The following TCF4 variants were observed in gnomAD, a reference collection of about 807,000 sequenced individuals.
TCF4 encodes the protein SL3-3 enhancer factor 2.
Under a neutral mutation model 82.1 loss-of-function variants are expected in TCF4, and 3 were observed. The ratio of observed to expected loss-of-function variants is 0.04; its 90% confidence interval spans 0.02 to 0.09. The LOEUF (loss-of-function observed/expected upper bound fraction) is 0.09, where lower values mean the gene tolerates loss of function less well. TCF4 is among the 10% of genes least tolerant of loss of function. The pLI, the probability that TCF4 is intolerant of heterozygous loss-of-function variation, is 1.00. For missense variants in TCF4, 518 were observed against 852.7 expected (o/e 0.61, Z 4.89); for synonymous variants, 276 against 309.6 (o/e 0.89, Z 1.14).
upstream of TCF4, among the ~76,000 whole-genome samples, chr18:55,590,281 G>C (rs2097682655): frequency 6.6e-6 from 1 of 152,206 alleles, no homozygotes; most frequent in Non-Finnish European, 1.5e-5. Context: ...GGGCGGCATG[G>C]GAAAAGGCCT....
At chr18:55,290,671 T>C (rs891441579) in intron 8 of TCF4, among the ~76,000 whole-genome samples, 1 of 152,148 alleles carries the variant, frequency 6.6e-6, no homozygotes, top group Non-Finnish European at 1.5e-5. Context: ...GTGCTGTGTT[T>C]GTACCTAATA....
intron 3 of TCF4, among the ~76,000 whole-genome samples, chr18:55,525,307 C>G (rs2096970921): frequency 6.7e-6 from 1 of 149,392 alleles, no homozygotes; most frequent in Admixed American, 6.7e-5. Context: ...ATTTTTTTTT[C>G]CTGAAGGTTA....
intron 3 of TCF4, among the ~76,000 whole-genome samples, chr18:55,490,069 T>C (rs948846358): frequency 1.3e-5 from 2 of 152,158 alleles, no homozygotes; most frequent in Non-Finnish European, 2.9e-5. Context: ...TAAAATTTAA[T>C]CCCCACATTT....
chr18:55,520,663 G>A (rs986389956), intron 3 of TCF4, among the ~76,000 whole-genome samples: 3 of 152,038 alleles, frequency 2.0e-5, no homozygotes, highest in Non-Finnish European at 2.9e-5. Context: ...CTTTTGAACC[G>A]GAACACACGG....
intron 6 of TCF4, among the ~76,000 whole-genome samples, chr18:55,388,048 G>C (rs1183930853): frequency 1.3e-5 from 2 of 152,110 alleles, no homozygotes; most frequent in Non-Finnish European, 2.9e-5. Flanking sequence ...ATGATGTCTA[G>C]GTCCTTTCTG....
At chr18:55,373,741 A>G (rs2089982762) in intron 6 of TCF4, among the ~76,000 whole-genome samples, 1 of 152,124 alleles carries the variant, frequency 6.6e-6, no homozygotes, top group Admixed American at 6.6e-5. Flanking sequence ...TGAAACCGGG[A>G]GCCGGAGGTT....
chr18:55,248,757 T>G (rs1296040067), intron 15 of TCF4, among the ~76,000 whole-genome samples: 3 of 152,154 alleles, frequency 2.0e-5, no homozygotes, highest in East Asian at 1.9e-4. Flanking sequence ...GTTTCCTTTT[T>G]TGTGTGTGTG....
At position 55,583,717 on chromosome 18, in the gene TCF4, T is replaced by C. The variant is rs570513121; in HGVS notation, c.145+1563A>G. 1.1e-4 allele frequency among the ~76,000 whole-genome samples: 16 copies of C among 152,218 alleles called. No individual in the cohort carries two copies. The South Asian group carries it at 2.9e-3, about 28-fold the overall frequency. ...ACATAAGCTACTTTTAGATTGAAACTGAATACACATTTTTAAGTTAAGTCA... is the reference window on the plus strand; with the variant it reads ...ACATAAGCTACTTTTAGATTGAAACCGAATACACATTTTTAAGTTAAGTCA... On this transcript the variant is annotated intron_variant, in intron 3 of 19. Coordinates refer to ENST00000354452, the MANE Select transcript of TCF4 (RefSeq NM_001083962.2).
At chr18:55,472,594 T>C (rs577723549) in intron 3 of TCF4, among the ~76,000 whole-genome samples, 6 of 152,308 alleles carry the variant, frequency 3.9e-5, no homozygotes, top group African/African-American at 1.2e-4. Flanking sequence ...TAACGTGAAC[T>C]ATATATACCT....
At position 55,350,918 on chromosome 18, in the gene TCF4, G is replaced by C. The variant is rs1569138231; in HGVS notation, c.455C>G (p.Ser152Cys). 14 of 1,613,644 alleles carry C rather than the reference G, an allele frequency of 8.7e-6. No homozygotes were observed. Among genetic ancestry groups the C allele is most frequent in the Non-Finnish European group, 1.2e-5 (14 of 1,179,628 alleles). The stretch of plus-strand genomic sequence containing the variant: ...AGGCCTCCTTCGGGGATTATTGCTA[G>C]AATACTGATAGTACTGGGAACCAGG... ...TKPGSQYYQY[S>C]SNNPRRRPLH... Residue 152 changes from serine to cysteine, a missense_variant, in exon 7 of 20, where the codon TCT becomes TGT. This residue lies in a region of TCF4 where 211 missense variants were observed against 327.4 expected (regional missense o/e 0.64). Coordinates refer to ENST00000354452, the MANE Select transcript of TCF4 (RefSeq NM_001083962.2).
chr18:55,503,184 A>G (rs1466239580), intron 3 of TCF4, among the ~76,000 whole-genome samples: 1 of 152,228 alleles, frequency 6.6e-6, no homozygotes, highest in African/African-American at 2.4e-5. Flanking sequence ...AAACAAAATA[A>G]TTTAGTTATT....
At chr18:55,299,458 T>C (rs1209848062) in intron 8 of TCF4, among the ~76,000 whole-genome samples, 1 of 151,586 alleles carries the variant, frequency 6.6e-6, no homozygotes, top group Non-Finnish European at 1.5e-5. Flanking sequence ...CTGCTTTTTT[T>C]TTTTTTTTTT....
At chr18:55,432,364 C>T (rs1052107872) in intron 5 of TCF4, among the ~76,000 whole-genome samples, 3 of 152,090 alleles carry the variant, frequency 2.0e-5, no homozygotes, top group Non-Finnish European at 4.4e-5. Flanking sequence ...GAGATTTGTA[C>T]TTATTCATCC....
At chr18:55,374,070 C>A (rs879630935) in intron 6 of TCF4, among the ~76,000 whole-genome samples, 3 of 151,634 alleles carry the variant, frequency 2.0e-5, no homozygotes, top group Non-Finnish European at 4.4e-5. Flanking sequence ...TTGAACTACA[C>A]AAGAATGCAA....
intron 3 of TCF4, among the ~76,000 whole-genome samples, chr18:55,499,566 G>C (rs1264296520): frequency 6.6e-6 from 1 of 152,108 alleles, no homozygotes; most frequent in Non-Finnish European, 1.5e-5. Context: ...AATCAACTGG[G>C]GAGGTTTTAA....
chr18:55,249,868 T>C (rs2054486334), intron 15 of TCF4, among the ~76,000 whole-genome samples: 2 of 152,216 alleles, frequency 1.3e-5, no homozygotes, highest in Non-Finnish European at 2.9e-5. Flanking sequence ...CTTAGTCAGT[T>C]AAAAAAGCGG....
At chr18:55,450,075 G>A (rs2095596065) in intron 5 of TCF4, among the ~76,000 whole-genome samples, 2 of 152,176 alleles carry the variant, frequency 1.3e-5, no homozygotes, top group Non-Finnish European at 2.9e-5. Context: ...CTACTTAGAT[G>A]AGAAATTTCA....
At position 55,264,115 on chromosome 18, in the gene TCF4, GA is replaced by G. The variant is rs147385225; in HGVS notation, c.923-2583del. On this transcript the variant is annotated intron_variant, in intron 11 of 19. Coordinates refer to ENST00000354452, the MANE Select transcript of TCF4 (RefSeq NM_001083962.2). ...AAAAATCACACGTTAGAAGAGGCAA[GA>G]TATTATGACCAATCTGATTTCTTTA... 3.7e-3 allele frequency among the ~76,000 whole-genome samples: 561 copies of G among 152,242 alleles called. 5 individuals are homozygous for G. Among genetic ancestry groups the G allele is most frequent in the African/African-American group, 0.013 (539 of 41,548 alleles).
chr18:55,580,965 A>G (rs2147776773), intron 3 of TCF4, among the ~76,000 whole-genome samples: 1 of 152,144 alleles, frequency 6.6e-6, no homozygotes, highest in Admixed American at 6.6e-5. Flanking sequence ...TATAAGGTAC[A>G]CAGCACACCT....
Sources: gnomAD v4.1 joint callset for allele counts (sites outside exome capture counted in the v4.1 genomes callset) on GRCh38, gnomAD v4.1.1 for gene constraint, gnomAD v4.1.1 regional missense constraint, MANE v1.5 for transcripts, NCBI Gene and HGNC (gene_info 2026-07-23, HGNC 2026-07-21) for gene names.